The following CPED1 variants were observed in gnomAD, a reference collection of about 807,000 sequenced individuals.
CPED1 encodes cadherin-like and PC-esterase domain-containing protein 1.
CPED1 carries 114 observed loss-of-function variants against 128.2 expected under a neutral mutation model. That is an observed-to-expected ratio of 0.89 (90% confidence interval 0.76 to 1.04). The LOEUF (loss-of-function observed/expected upper bound fraction) is 1.04, where lower values mean the gene tolerates loss of function less well. Among genes scored for constraint, CPED1 ranks in the 50% least tolerant of loss-of-function variants. The probability of loss-of-function intolerance (pLI) is 0.00; values close to 1 mark genes in which losing one functional copy is unlikely to be tolerated. For synonymous variants in CPED1, 462 were observed against 426.7 expected (o/e 1.08, Z -1.02); for missense variants, 1,211 against 1,207.1 (o/e 1.00, Z -0.05).
chr7:120,993,349 C>T (rs1796340399), intron 2 of CPED1, among the ~76,000 whole-genome samples: 1 of 152,120 alleles, frequency 6.6e-6, no homozygotes, highest in Non-Finnish European at 1.5e-5. Flanking sequence ...CTCACCATAG[C>T]CATGTGTTTC....
chr7:121,061,360 CTG>C (rs1297303320), intron 4 of CPED1, among the ~76,000 whole-genome samples: 13 of 152,114 alleles, frequency 8.5e-5, no homozygotes, highest in Admixed American at 5.9e-4. Flanking sequence ...AGAAAAATGT[CTG>C]TGTATAAATA....
At chr7:121,042,064 C>T (rs1215868357) in intron 3 of CPED1, among the ~76,000 whole-genome samples, 1 of 151,666 alleles carries the variant, frequency 6.6e-6, no homozygotes, top group Non-Finnish European at 1.5e-5. Flanking sequence ...CTATTTAAGA[C>T]CTTGGTAAGC....
At chr7:121,071,767 A>G (rs552043531) in intron 5 of CPED1, among the ~76,000 whole-genome samples, 10 of 152,056 alleles carry the variant, frequency 6.6e-5, no homozygotes, top group Non-Finnish European at 1.3e-4. Context: ...GTCAGTTTCA[A>G]CATCTGTAAA....
chr7:121,112,007 C>T (rs953901549), intron 7 of CPED1, among the ~76,000 whole-genome samples: 2 of 152,270 alleles, frequency 1.3e-5, no homozygotes, highest in African/African-American at 2.4e-5. Context: ...CACTCACGCT[C>T]CTAGATATTG....
At chr7:121,209,042 TTTG>T (rs954611761) in intron 16 of CPED1, among the ~76,000 whole-genome samples, 25 of 152,048 alleles carry the variant, frequency 1.6e-4, no homozygotes, top group East Asian at 1.6e-3. Context: ...AAGGAATGAT[TTTG>T]TTGTTGTTGT....
chr7:121,036,228 A>G (rs891997442), intron 3 of CPED1, among the ~76,000 whole-genome samples: 14 of 152,092 alleles, frequency 9.2e-5, no homozygotes, highest in Admixed American at 7.9e-4. Flanking sequence ...CCATCACCCA[A>G]GCAGTGTATA....
chr7:121,226,313 CT>C (rs1798011472), intron 16 of CPED1, among the ~76,000 whole-genome samples: 1 of 152,046 alleles, frequency 6.6e-6, no homozygotes, highest in Admixed American at 6.6e-5. Context: ...CCAGCCGAGG[CT>C]TGGTTGGAAA....
chr7:121,062,264 G>A (rs925392752), intron 4 of CPED1, among the ~76,000 whole-genome samples: 1 of 152,140 alleles, frequency 6.6e-6, no homozygotes, highest in African/African-American at 2.4e-5. Flanking sequence ...GCAACGGAAT[G>A]ATTTTGCCCT....
At chr7:121,126,903 T>C (rs1384897910) in intron 9 of CPED1, among the ~76,000 whole-genome samples, 187 bp from the exon 10 acceptor site, 3 of 151,790 alleles carry the variant, frequency 2.0e-5, no homozygotes, top group Non-Finnish European at 4.4e-5. Context: ...ATTAAATAAT[T>C]GTATCTTTAA....
chr7:120,995,932 T>C (rs1796391958), intron 2 of CPED1, among the ~76,000 whole-genome samples: 2 of 139,882 alleles, frequency 1.4e-5, no homozygotes, highest in African/African-American at 2.7e-5. Flanking sequence ...CTCCTCCTTC[T>C]CCTCCTCCTT....
rs565451006 is a variant in CPED1 at position 121,070,733 on chromosome 7, G to A, written c.616+6420G>A. ...ATCCACTTTTCTCCATCTCTACCAT[G>A]ACCAGCCTAGTCCAAATCAGCAGTC... On this transcript the variant is annotated intron_variant, in intron 5 of 22. Coordinates refer to ENST00000310396, the MANE Select transcript of CPED1 (RefSeq NM_024913.5). Among the ~76,000 whole-genome samples the A allele has an allele frequency of 3.9e-5, 6 of 152,110 alleles. No individual in the cohort carries two copies. The South Asian group carries it at 1.2e-3, about 32-fold the overall frequency.
intron 3 of CPED1, among the ~76,000 whole-genome samples, chr7:121,019,545 AT>A (rs1562994156): frequency 6.6e-6 from 1 of 152,166 alleles, no homozygotes; most frequent in South Asian, 2.1e-4. Flanking sequence ...AAGAGTAACA[AT>A]TTTTAGAGTT....
chr7:121,066,988 A>G (rs1220824196), intron 5 of CPED1, among the ~76,000 whole-genome samples: 1 of 152,118 alleles, frequency 6.6e-6, no homozygotes, highest in Non-Finnish European at 1.5e-5. Flanking sequence ...TGCATAGATT[A>G]TATGCAAATA....
At chr7:121,031,436 T>A (rs763161042) in intron 3 of CPED1, among the ~76,000 whole-genome samples, 4 of 152,150 alleles carry the variant, frequency 2.6e-5, no homozygotes, top group Admixed American at 1.3e-4. Context: ...TACAGGTGCC[T>A]TCCACCACAC....
intron 3 of CPED1, among the ~76,000 whole-genome samples, chr7:121,046,208 T>C (rs1793189450): frequency 6.6e-6 from 1 of 152,166 alleles, no homozygotes; most frequent in Non-Finnish European, 1.5e-5. Flanking sequence ...AATAGCTTCG[T>C]CCTTGGTGAA....
At position 121,015,684 on chromosome 7, in the gene CPED1, CACACT is replaced by C. The variant is rs1792282480; in HGVS notation, c.270_274del (p.His91TrpfsTer38). 6.3e-7 allele frequency: 1 copy of C among 1,599,768 alleles called. No individual in the cohort carries two copies. Among genetic ancestry groups the C allele is most frequent in the Admixed American group, 1.8e-5 (1 of 55,942 alleles). On this transcript the variant is annotated frameshift_variant, in exon 3 of 23. Transcript: ENST00000310396. LOFTEE classifies it high-confidence loss of function. ...TCTTAGGTCAAAGAATCAATGGAGA[CACACT>C]TTGGCAGCCATGGCCGAAGGGCCAT... is the stretch of plus-strand genomic sequence containing the variant.
At position 120,989,828 on chromosome 7, in the gene CPED1, A is replaced by G. The variant is rs769186285; in HGVS notation, c.207A>G (p.Lys69=). The G allele has an allele frequency of 6.2e-7, 1 of 1,614,128 alleles. No individual in the cohort carries two copies. Among genetic ancestry groups the G allele is most frequent in the South Asian group, 1.1e-5 (1 of 91,076 alleles). ...SRCKKGFSQD[K]QCFLLSGNAQ... Reference sequence around the variant, plus strand: ...GCAAGAAAGGATTCTCTCAGGACAAACAGTGCTTCCTTCTCTCTGGTAATG... The same window carrying G: ...GCAAGAAAGGATTCTCTCAGGACAAGCAGTGCTTCCTTCTCTCTGGTAATG... Residue 69 remains lysine, a synonymous_variant, in exon 2 of 23, where the codon AAA becomes AAG. Coordinates refer to ENST00000310396, the MANE Select transcript of CPED1 (RefSeq NM_024913.5).
At chr7:121,245,614 C>A (rs1798508251) in intron 18 of CPED1, among the ~76,000 whole-genome samples, 1 of 151,720 alleles carries the variant, frequency 6.6e-6, no homozygotes, top group Non-Finnish European at 1.5e-5. Flanking sequence ...ATTATCATAT[C>A]TTTTTTCTGC....
At chr7:121,256,135 A>AAAAAAAAC (rs1562852781) in intron 18 of CPED1, among the ~76,000 whole-genome samples, 2 of 148,878 alleles carry the variant, frequency 1.3e-5, no homozygotes, top group Admixed American at 6.7e-5. Flanking sequence ...AAAACAAAAA[A>AAAAAAAAC]AAAAAACAAA....
Sources: gnomAD v4.1 joint callset for allele counts (sites outside exome capture counted in the v4.1 genomes callset) on GRCh38, gnomAD v4.1.1 for gene constraint, MANE v1.5 for transcripts, NCBI Gene and HGNC (gene_info 2026-07-23, HGNC 2026-07-21) for gene names.